BMPR1B: variants seen among roughly 807,000 people sequenced by gnomAD.
BMPR1B encodes the protein bone morphogenetic protein receptor type-1B.
A neutral mutation model predicts 59.1 loss-of-function variants in BMPR1B; 12 were observed. That is an observed-to-expected ratio of 0.20 (90% CI 0.13 to 0.33). The LOEUF is 0.33. BMPR1B is among the 10% of genes least tolerant of loss of function. BMPR1B has a pLI of 1.00. For synonymous variants in BMPR1B, 237 were observed against 207.3 expected, an observed-to-expected ratio of 1.14 and a Z score of -1.23; for missense variants, 550 against 610.9, an observed-to-expected ratio of 0.90 and a Z score of 1.05.
rs191591878 is a variant in BMPR1B at position 95,004,602 on chromosome 4, G to T, written c.-18+8468G>T. On this transcript the variant is annotated intron_variant, in intron 3 of 12. Transcript: ENST00000515059. ...AGTTATGGTTTTATATATTCCTCAG[G>T]TGAATATTTGCTTTTTCTCCATGTA... Among the ~76,000 whole-genome samples, 20 of 152,178 alleles carry T rather than the reference G, an allele frequency of 1.3e-4. No homozygotes were observed. The East Asian group carries it at 3.5e-3, about 26-fold the overall frequency.
At chr4:95,071,652 G>GTGTATATATATATATATATA (rs59539011) in intron 3 of BMPR1B, among the ~76,000 whole-genome samples, 1 of 84,340 alleles carries the variant, frequency 1.2e-5, no homozygotes. Flanking sequence ...GTGTGTGTGT[G>GTGTATATATATATATATATA]TATATATATA....
chr4:95,097,673 G>A (rs1730528232), intron 3 of BMPR1B, among the ~76,000 whole-genome samples: 1 of 152,084 alleles, frequency 6.6e-6, no homozygotes, highest in Non-Finnish European at 1.5e-5. Context: ...AAGTAGCTGG[G>A]ACTACAGGCA....
intron 3 of BMPR1B, among the ~76,000 whole-genome samples, chr4:95,102,343 C>G (rs781201126): frequency 7.9e-5 from 12 of 152,170 alleles, no homozygotes; most frequent in Non-Finnish European, 5.9e-5. Flanking sequence ...CTGGTAAATT[C>G]TGTGTGTGTT....
intron 1 of BMPR1B, among the ~76,000 whole-genome samples, chr4:94,793,584 A>T (rs1409404526): frequency 6.7e-6 from 1 of 148,924 alleles, no homozygotes; most frequent in Non-Finnish European, 1.5e-5. Flanking sequence ...ATCCCTGAGG[A>T]ATCGCCACAC....
chr4:95,025,464 G>C (rs543230540), intron 3 of BMPR1B, among the ~76,000 whole-genome samples: 1 of 152,088 alleles, frequency 6.6e-6, no homozygotes, highest in Non-Finnish European at 1.5e-5. Flanking sequence ...CTTGGGCTGG[G>C]GTTTTTGTAG....
chr4:94,831,692 C>G (rs1724597207), intron 1 of BMPR1B, among the ~76,000 whole-genome samples: 2 of 152,138 alleles, frequency 1.3e-5, no homozygotes, highest in Non-Finnish European at 2.9e-5. Flanking sequence ...GCAGGGATCC[C>G]CAGCCCCCAG....
At chr4:95,138,905 T>C (rs1285395614) in intron 10 of BMPR1B, among the ~76,000 whole-genome samples, 1 of 152,254 alleles carries the variant, frequency 6.6e-6, no homozygotes, top group African/African-American at 2.4e-5. Flanking sequence ...TGAAGCCTTC[T>C]TCTCTCAACT....
rs569576020 is a variant in BMPR1B, at chr4:95,116,155, A to T, written c.349+368A>T. Among the ~76,000 whole-genome samples, 13 of 152,248 alleles carry T rather than the reference A, an allele frequency of 8.5e-5. No homozygotes were observed. In the South Asian group the frequency reaches 2.5e-3, roughly 29 times the overall value. On this transcript the variant is annotated intron_variant, in intron 6 of 12. Transcript: ENST00000515059. ...TTTGTCTATATTTATTTTAAAAGTA[A>T]AGACCATATAAAGGGCTAAATTAAA...
intron 1 of BMPR1B, among the ~76,000 whole-genome samples, chr4:94,766,687 A>T (rs1439929785): frequency 6.6e-6 from 1 of 151,686 alleles, no homozygotes; most frequent in Non-Finnish European, 1.5e-5. Flanking sequence ...TATTATTATT[A>T]TTTTTTACCA....
chr4:95,070,113 A>AAAAC (rs547378084), intron 3 of BMPR1B, among the ~76,000 whole-genome samples: 101 of 152,220 alleles, frequency 6.6e-4, no homozygotes, highest in Middle Eastern at 3.4e-3. Flanking sequence ...GTCACAAAAC[A>AAAAC]AAACAAACAA....
intron 1 of BMPR1B, among the ~76,000 whole-genome samples, chr4:94,857,785 C>A (rs1725818222): frequency 6.6e-6 from 1 of 152,058 alleles, no homozygotes; most frequent in Non-Finnish European, 1.5e-5. Context: ...CTATTTTAAA[C>A]AATACAACAC....
chr4:94,837,318 A>G (rs1446383564), intron 1 of BMPR1B, among the ~76,000 whole-genome samples: 12 of 149,134 alleles, frequency 8.0e-5, no homozygotes, highest in East Asian at 3.8e-4. Context: ...TAGCTTGATG[A>G]GGATGGCACT....
chr4:95,080,691 G>A (rs1448999188), intron 3 of BMPR1B, among the ~76,000 whole-genome samples: 2 of 152,064 alleles, frequency 1.3e-5, no homozygotes, highest in African/African-American at 4.8e-5. Context: ...AGCACAAATC[G>A]AAGCAGGAAC....
At chr4:94,998,858 G>T (rs906134365) in intron 3 of BMPR1B, among the ~76,000 whole-genome samples, 2 of 152,050 alleles carry the variant, frequency 1.3e-5, no homozygotes, top group African/African-American at 4.8e-5. Context: ...TTGGGCTGTT[G>T]TCTGTATCTC....
chr4:94,879,634 A>G (rs1000245361), intron 2 of BMPR1B, among the ~76,000 whole-genome samples: 3 of 152,114 alleles, frequency 2.0e-5, no homozygotes, highest in African/African-American at 7.2e-5. Context: ...TAAATAAAAT[A>G]CATTTGGTTC....
chr4:94,881,509 A>C (rs147048075), intron 2 of BMPR1B, among the ~76,000 whole-genome samples: 34 of 151,438 alleles, frequency 2.2e-4, no homozygotes, highest in African/African-American at 8.2e-4. Flanking sequence ...TCTGTCACCC[A>C]GGCTGGATTG....
intron 2 of BMPR1B, among the ~76,000 whole-genome samples, chr4:94,920,774 A>C (rs3775016): frequency 0.24 from 36,590 of 152,196 alleles, 5,292 homozygotes; most frequent in African/African-American, 0.4. Flanking sequence ...GGAGAAATTC[A>C]AATCACAAAT....
chr4:95,057,088 T>C (rs1726985427), intron 3 of BMPR1B, among the ~76,000 whole-genome samples: 1 of 152,224 alleles, frequency 6.6e-6, no homozygotes, highest in African/African-American at 2.4e-5. Context: ...GTCCATTTTA[T>C]TTATTGTTGT....
At chr4:94,907,332 C>A (rs1046510842) in intron 2 of BMPR1B, among the ~76,000 whole-genome samples, 1 of 152,014 alleles carries the variant, frequency 6.6e-6, no homozygotes, top group African/African-American at 2.4e-5. Flanking sequence ...ATGGCATTGC[C>A]TATAACAGGT....
Sources: allele counts gnomAD v4.1 joint callset (sites outside exome capture counted in the v4.1 genomes callset), GRCh38; gene constraint gnomAD v4.1.1; transcripts MANE v1.5; gene names NCBI Gene and HGNC (gene_info 2026-07-23, HGNC 2026-07-21).